Variants in DIAPH2 observed in about 807,000 individuals in gnomAD.
The protein encoded by DIAPH2 is diaphanous related formin 2.
A neutral mutation model predicts 92.7 loss-of-function variants in DIAPH2; 35 were observed. That is an observed-to-expected ratio of 0.38 (90% confidence interval 0.29 to 0.50). DIAPH2 has a LOEUF of 0.50. DIAPH2 is among the 20% of genes least tolerant of loss of function. The pLI is 0.94. For missense variants in DIAPH2, 701 were observed against 819.5 expected, an observed-to-expected ratio of 0.86 and a Z score of 1.77; for synonymous variants, 301 against 280.4, an observed-to-expected ratio of 1.07 and a Z score of -0.73.
chrX:97,368,163 T>G (rs1375288111), intron 24 of DIAPH2, among the ~76,000 whole-genome samples: 2 of 112,505 alleles, frequency 1.8e-5, no homozygotes, highest in Non-Finnish European at 3.7e-5. Context: ...GTAAACTTCT[T>G]TTTAATTATC....
intron 20 of DIAPH2, among the ~76,000 whole-genome samples, chrX:97,101,571 C>G (rs932057653): frequency 9.0e-6 from 1 of 111,385 alleles, no homozygotes; most frequent in Non-Finnish European, 1.9e-5. Context: ...ATGTAAATTA[C>G]CTAAGATAGT....
At chrX:96,755,115 TC>T (rs2064218525) in intron 3 of DIAPH2, among the ~76,000 whole-genome samples, 1 of 109,165 alleles carries the variant, frequency 9.2e-6, no homozygotes, top group African/African-American at 3.3e-5. Flanking sequence ...AAGTAAAATA[TC>T]CAAATGAGAA....
chrX:96,754,923 CAAAAAAAAAAAA>C (rs1007573600), intron 3 of DIAPH2, among the ~76,000 whole-genome samples: 2 of 16,007 alleles, frequency 1.2e-4, no homozygotes, highest in African/African-American at 5.7e-4. Context: ...GTCTCCACCT[CAAAAAAAAAAAA>C]AAAAAAAAAA....
intron 22 of DIAPH2, among the ~76,000 whole-genome samples, chrX:97,144,485 C>T (rs944203148): frequency 1.8e-5 from 2 of 110,385 alleles, no homozygotes; most frequent in African/African-American, 6.6e-5. Context: ...GTGGTAGATA[C>T]GCTAAACACC....
At chrX:96,717,980 A>T (rs1466952805) in intron 1 of DIAPH2, among the ~76,000 whole-genome samples, 3 of 105,533 alleles carry the variant, frequency 2.8e-5, no homozygotes, top group Non-Finnish European at 3.9e-5. Context: ...TTTGGTTTTT[A>T]AAAAATATAC....
intron 1 of DIAPH2, among the ~76,000 whole-genome samples, chrX:96,726,190 T>G (rs1399743332): frequency 9.0e-6 from 1 of 111,001 alleles, no homozygotes; most frequent in Non-Finnish European, 1.9e-5. Context: ...GGCTAAGCTT[T>G]TATCATCTTG....
At chrX:96,786,582 G>T (rs905800422) in intron 4 of DIAPH2, among the ~76,000 whole-genome samples, 1 of 111,814 alleles carries the variant, frequency 8.9e-6, no homozygotes, top group South Asian at 3.7e-4. Context: ...ACTCACAATG[G>T]TTATAGCTGT....
chrX:96,775,133 A>G lies in DIAPH2; in HGVS notation c.447+16875A>G, dbSNP rs147169532. 7.1e-3 allele frequency among the ~76,000 whole-genome samples: 785 copies of G among 110,284 alleles called. 9 individuals carry two copies. Among genetic ancestry groups the G allele is most frequent in the African/African-American group, 0.025 (745 of 30,300 alleles). ...GGTAAGTTTTCTATTTCTGCTGAGGACCGTTGTTCATCATCACCCATGCAA... is the reference window on the plus strand; with the variant it reads ...GGTAAGTTTTCTATTTCTGCTGAGGGCCGTTGTTCATCATCACCCATGCAA... On this transcript the variant is annotated intron_variant, in intron 4 of 26. Coordinates refer to ENST00000324765, the MANE Select transcript of DIAPH2 (RefSeq NM_006729.5).
chrX:97,242,562 C>T (rs2068104993), intron 22 of DIAPH2, among the ~76,000 whole-genome samples: 1 of 109,466 alleles, frequency 9.1e-6, no homozygotes. Flanking sequence ...GACGGGGTTT[C>T]ACCATGTTGG....
rs997620542 is a variant in DIAPH2 at position 97,560,015 on chromosome X, C to G, written c.3242-39238C>G. Among the ~76,000 whole-genome samples, 29 of 111,845 alleles carry G rather than the reference C, an allele frequency of 2.6e-4. 1 individual carries two copies. The highest frequency in any genetic ancestry group is 7.6e-4 in the South Asian group (2 of 2,622). Reference sequence around the variant, plus strand: ...TGGGAGCAAACCTCTTCCAATCCTACCCACGTCTCAAGGCCTAGATCAAAT... The same window carrying G: ...TGGGAGCAAACCTCTTCCAATCCTAGCCACGTCTCAAGGCCTAGATCAAAT... On this transcript the variant is annotated intron_variant, in intron 26 of 26. Coordinates refer to ENST00000324765, the MANE Select transcript of DIAPH2 (RefSeq NM_006729.5).
At chrX:96,963,079 C>A (rs2065875024) in intron 16 of DIAPH2, among the ~76,000 whole-genome samples, 1 of 111,780 alleles carries the variant, frequency 8.9e-6, no homozygotes, top group African/African-American at 3.3e-5. Flanking sequence ...TGTATTTCTC[C>A]TTCATTTTTG....
chrX:97,191,742 G>T (rs917587049), intron 22 of DIAPH2, among the ~76,000 whole-genome samples: 2 of 111,585 alleles, frequency 1.8e-5, no homozygotes, highest in African/African-American at 6.5e-5. Context: ...CTTAATTTTT[G>T]ATTTCCATAA....
intron 21 of DIAPH2, among the ~76,000 whole-genome samples, chrX:97,125,993 G>T (rs1281803094): frequency 2.7e-5 from 3 of 111,671 alleles, no homozygotes; most frequent in Non-Finnish European, 5.6e-5. Flanking sequence ...TACTTAGTTC[G>T]CCATGAAGAC....
chrX:97,374,206 A>G (rs180722437), intron 24 of DIAPH2, among the ~76,000 whole-genome samples: 96 of 111,363 alleles, frequency 8.6e-4, no homozygotes, highest in Non-Finnish European at 1.5e-4. Context: ...AGGGAATGCA[A>G]TGCTGTCTGT....
rs6620278 is a variant in DIAPH2 at position 97,443,459 on chromosome X, A to G, written c.3241+13714A>G. On this transcript the variant is annotated intron_variant, in intron 26 of 26. Coordinates refer to ENST00000324765, the MANE Select transcript of DIAPH2 (RefSeq NM_006729.5). The stretch of plus-strand genomic sequence containing the variant: ...ATAACTCATAGCATATGCTTTTGAT[A>G]CCTGCTTGTTGAATACTTCACAATT... Among the ~76,000 whole-genome samples the G allele has an allele frequency of 2.9e-3, 324 of 112,049 alleles. 9 individuals are homozygous for G. In the East Asian group the frequency reaches 0.079, roughly 27 times the overall value.
chrX:97,494,448 A>G (rs2070745133), intron 26 of DIAPH2, among the ~76,000 whole-genome samples: 1 of 112,013 alleles, frequency 8.9e-6, no homozygotes, highest in African/African-American at 3.2e-5. Flanking sequence ...TAAGATGATT[A>G]TTTTGAAATC....
At chrX:96,740,496 T>G (rs888243206) in intron 3 of DIAPH2, among the ~76,000 whole-genome samples, 2 of 112,577 alleles carry the variant, frequency 1.8e-5, no homozygotes, top group Non-Finnish European at 3.8e-5. Flanking sequence ...AGTATTGAAA[T>G]AGTTCTCCGA....
chrX:97,029,798 G>A (rs1399017520), intron 17 of DIAPH2, among the ~76,000 whole-genome samples: 1 of 111,171 alleles, frequency 9.0e-6, no homozygotes, highest in East Asian at 2.8e-4. Flanking sequence ...CCATCAAACT[G>A]TATGTCTATC....
chrX:96,789,935 G>A (rs1198593000), intron 4 of DIAPH2, among the ~76,000 whole-genome samples: 1 of 111,252 alleles, frequency 9.0e-6, no homozygotes, highest in East Asian at 2.8e-4. Flanking sequence ...TTTGGTTGGT[G>A]GGCTGGGGTA....
Sources: gnomAD v4.1 joint callset for allele counts (sites outside exome capture counted in the v4.1 genomes callset) on GRCh38, gnomAD v4.1.1 for gene constraint, MANE v1.5 for transcripts, NCBI Gene and HGNC (gene_info 2026-07-23, HGNC 2026-07-21) for gene names.